The following RTN4 variants were observed in gnomAD, a reference collection of about 807,000 sequenced individuals.
The protein encoded by RTN4 is reticulon 4.
A neutral mutation model predicts 90.4 loss-of-function variants in RTN4; 32 were observed. The ratio of observed to expected loss-of-function variants is 0.35; its 90% CI spans 0.27 to 0.48. RTN4 has a LOEUF of 0.48. Ranked by LOEUF, RTN4 falls within the 20% of genes least tolerant of loss-of-function variation. The probability of loss-of-function intolerance (pLI) is 0.99; values close to 1 mark genes in which losing one functional copy is unlikely to be tolerated. For synonymous variants in RTN4, 629 were observed against 552.5 expected (o/e 1.14, Z -1.94); for missense variants, 1,706 against 1,430.2 (o/e 1.19, Z -3.11).
intron 1 of RTN4, among the ~76,000 whole-genome samples, chr2:55,046,060 A>G (rs927585398): frequency 6.6e-6 from 1 of 152,186 alleles, no homozygotes; most frequent in African/African-American, 2.4e-5. Flanking sequence ...ACAACTTATT[A>G]ACAGATGAAA....
intron 2 of RTN4, among the ~76,000 whole-genome samples, chr2:55,059,402 G>A (rs1308219653): frequency 6.6e-6 from 1 of 151,778 alleles, no homozygotes; most frequent in Non-Finnish European, 1.5e-5. Flanking sequence ...TGCCCAGGAT[G>A]GAGTGCAGTG....
intron 3 of RTN4, among the ~76,000 whole-genome samples, chr2:55,006,764 T>C (rs1680256879): frequency 6.6e-6 from 1 of 152,160 alleles, no homozygotes; most frequent in Admixed American, 6.5e-5. Context: ...CCAGCTTCTC[T>C]AAGTATTTAA....
chr2:55,026,219 G>C lies in RTN4; in HGVS notation c.1880C>G (p.Ala627Gly). The C allele has an allele frequency of 6.2e-7, 1 of 1,613,738 alleles. No individual in the cohort carries two copies. Among genetic ancestry groups the C allele is most frequent in the Non-Finnish European group, 8.5e-7 (1 of 1,179,868 alleles). Reference protein sequence around the residue: ...EAPLNSAVPSAGASVIQPSSS... With the variant: ...EAPLNSAVPSGGASVIQPSSS... Reference sequence around the variant, plus strand: ...GCTGGGCTGTATCACGGAAGCACCAGCACTAGGAACTGCAGAATTCAATGG... The same window carrying C: ...GCTGGGCTGTATCACGGAAGCACCACCACTAGGAACTGCAGAATTCAATGG... Residue 627 changes from alanine to glycine, a missense_variant, in exon 3 of 9, where the codon GCT becomes GGT. Coordinates refer to ENST00000337526, the MANE Select transcript of RTN4 (RefSeq NM_020532.5).
At chr2:55,087,154 G>T (rs997379417) in intron 1 of RTN4, among the ~76,000 whole-genome samples, 5 of 152,174 alleles carry the variant, frequency 3.3e-5, no homozygotes, top group Admixed American at 6.5e-5. Flanking sequence ...ATGTTTGGGG[G>T]TACTGTGAAC....
intron 5 of RTN4, among the ~76,000 whole-genome samples, chr2:54,981,817 A>ACATACAAGCTAAGAAAC (rs1558760876): frequency 2.0e-5 from 3 of 151,868 alleles, no homozygotes; most frequent in African/African-American, 7.3e-5. Flanking sequence ...TTTCATGTAC[A>ACATACAAGCTAAGAAAC]TAAGTGCTAG....
At chr2:55,018,581 G>C (rs534557393) in intron 3 of RTN4, among the ~76,000 whole-genome samples, 15 of 151,754 alleles carry the variant, frequency 9.9e-5, no homozygotes, top group Non-Finnish European at 1.6e-4. Flanking sequence ...AACTCTTATA[G>C]GTGTATTAAA....
chr2:55,003,970 A>T (rs1680029272), intron 3 of RTN4, among the ~76,000 whole-genome samples: 1 of 152,198 alleles, frequency 6.6e-6, no homozygotes, highest in African/African-American at 2.4e-5. Flanking sequence ...GGCTGTACAT[A>T]AAAAGGGAAC....
At chr2:54,987,078 A>G (rs1678622389) in intron 4 of RTN4, among the ~76,000 whole-genome samples, 1 of 152,210 alleles carries the variant, frequency 6.6e-6, no homozygotes, top group Non-Finnish European at 1.5e-5. Context: ...AAGAAAATAC[A>G]TAAAGAAAAG....
At chr2:55,018,911 A>G (rs949028672) in intron 3 of RTN4, among the ~76,000 whole-genome samples, 2 of 152,166 alleles carry the variant, frequency 1.3e-5, no homozygotes, top group Non-Finnish European at 1.5e-5. Context: ...CTCATTCTAC[A>G]TTAAAAGGAA....
At chr2:55,023,538 T>A (rs1278366147) in intron 3 of RTN4, among the ~76,000 whole-genome samples, 2 of 152,028 alleles carry the variant, frequency 1.3e-5, no homozygotes, top group Non-Finnish European at 2.9e-5. Flanking sequence ...TCGTTCCTTC[T>A]CTCTAACACT....
At chr2:55,106,276 T>C (rs1276602155) in intron 1 of RTN4, among the ~76,000 whole-genome samples, 1 of 152,126 alleles carries the variant, frequency 6.6e-6, no homozygotes, top group Non-Finnish European at 1.5e-5. Context: ...CACCCTACCC[T>C]GAATTTCTTG....
the RTN4 span, among the ~76,000 whole-genome samples, chr2:55,121,117 G>C: frequency 6.6e-6 from 1 of 152,198 alleles, no homozygotes; most frequent in Non-Finnish European, 1.5e-5. Context: ...TCTATGTCCT[G>C]AGACTGTTTT....
chr2:55,026,208 C>G lies in RTN4; in HGVS notation c.1891G>C (p.Val631Leu). 1.9e-6 allele frequency: 3 copies of G among 1,613,676 alleles called. No homozygotes were observed. Among genetic ancestry groups the G allele is most frequent in the Non-Finnish European group, 2.5e-6 (3 of 1,179,860 alleles). ...NSAVPSAGAS[V>L]IQPSSSPLEA... Reference sequence around the variant, plus strand: ...AATGGTGATGAGCTGGGCTGTATCACGGAAGCACCAGCACTAGGAACTGCA... The same window carrying G: ...AATGGTGATGAGCTGGGCTGTATCAGGGAAGCACCAGCACTAGGAACTGCA... Residue 631 changes from valine to leucine, a missense_variant, in exon 3 of 9, where the codon GTG (valine) becomes CTG (leucine). Val to Leu is a conservative substitution (Grantham distance 32). Transcript: ENST00000337526.
intron 1 of RTN4, among the ~76,000 whole-genome samples, chr2:55,028,994 A>T (rs1194926402): frequency 3.3e-5 from 5 of 152,184 alleles, no homozygotes; most frequent in African/African-American, 9.6e-5. Context: ...TAAAGCCCCA[A>T]CCCCTAAAGT....
At chr2:55,012,623 A>C (rs1267861559) in intron 3 of RTN4, among the ~76,000 whole-genome samples, 1 of 152,234 alleles carries the variant, frequency 6.6e-6, no homozygotes, top group Non-Finnish European at 1.5e-5. Context: ...AGGCTTTAGG[A>C]CATTGCCTGA....
intron 3 of RTN4, among the ~76,000 whole-genome samples, chr2:54,987,918 T>C (rs1191581822): frequency 6.6e-6 from 1 of 152,238 alleles, no homozygotes; most frequent in Non-Finnish European, 1.5e-5. Context: ...GAAATGTTTT[T>C]TATTCAAATT....
intron 2 of RTN4, among the ~76,000 whole-genome samples, chr2:55,064,204 TA>T (rs35994756): frequency 2.5e-4 from 35 of 139,510 alleles, no homozygotes; most frequent in Non-Finnish European, 2.5e-4. Context: ...GACCATGTCT[TA>T]AAAAAAAAAA....
intron 2 of RTN4, among the ~76,000 whole-genome samples, chr2:55,066,470 G>A (rs1016673461): frequency 3.3e-5 from 5 of 151,992 alleles, no homozygotes; most frequent in African/African-American, 4.8e-5. Flanking sequence ...CTAGGCAGGC[G>A]AATCACTTGA....
intron 1 of RTN4, among the ~76,000 whole-genome samples, chr2:55,098,236 C>T (rs4671239): frequency 0.18 from 27,768 of 152,040 alleles, 2,751 homozygotes; most frequent in South Asian, 0.28. Flanking sequence ...TGTTTGTGGT[C>T]TTGTGGTGGA....
Sources: allele counts gnomAD v4.1 joint callset (sites outside exome capture counted in the v4.1 genomes callset), GRCh38; gene constraint gnomAD v4.1.1; transcripts MANE v1.5; gene names NCBI Gene and HGNC (gene_info 2026-07-23, HGNC 2026-07-21).